Variants in BACH2 observed in about 807,000 individuals in gnomAD.
The protein encoded by BACH2 is BACH transcriptional regulator 2.
Under a neutral mutation model 61.8 loss-of-function variants are expected in BACH2, and 5 were observed. The ratio of observed to expected loss-of-function variants is 0.08; its 90% CI spans 0.04 to 0.17. BACH2 has a LOEUF of 0.17. BACH2 is among the 10% of genes least tolerant of loss of function. The probability of loss-of-function intolerance (pLI) is 1.00; values close to 1 mark genes in which losing one functional copy is unlikely to be tolerated. For missense variants in BACH2, 824 were observed against 1,091.1 expected (o/e 0.76, Z 3.45); for synonymous variants, 446 against 440.1 (o/e 1.01, Z -0.17).
intron 4 of BACH2, among the ~76,000 whole-genome samples, chr6:90,131,135 C>T (rs1034144246): frequency 6.6e-5 from 10 of 152,162 alleles, no homozygotes; most frequent in Non-Finnish European, 1.3e-4. Flanking sequence ...GGAGTAGAAG[C>T]ATGTACCAGT....
chr6:90,257,006 A>G (rs1449202537), intron 2 of BACH2, among the ~76,000 whole-genome samples: 2 of 152,208 alleles, frequency 1.3e-5, no homozygotes, highest in Non-Finnish European at 2.9e-5. Flanking sequence ...GCTTAGCACA[A>G]TGGGCTTTCC....
In BACH2 at chr6:90,191,489, C is replaced by T. The variant is rs181470527; in HGVS notation, c.-162+15080G>A. On this transcript the variant is annotated intron_variant, in intron 4 of 8. Coordinates refer to ENST00000257749, the MANE Select transcript of BACH2 (RefSeq NM_021813.4). ...TTTTGTATTTGTGTTTAGTTCATTG[C>T]AAATTTACTCAATATATTTCGAATT... Among the ~76,000 whole-genome samples the T allele has an allele frequency of 2.6e-4, 39 of 152,284 alleles. No homozygotes were observed. In the East Asian group the frequency reaches 6.2e-3, roughly 24 times the overall value.
intron 3 of BACH2, among the ~76,000 whole-genome samples, chr6:90,215,178 C>T (rs747951332): frequency 2.0e-5 from 3 of 152,070 alleles, no homozygotes; most frequent in Non-Finnish European, 4.4e-5. Context: ...GGCCTGAGGG[C>T]GTTCAATGCT....
intron 4 of BACH2, among the ~76,000 whole-genome samples, chr6:90,201,007 A>C (rs1768938961): frequency 6.6e-6 from 1 of 152,218 alleles, no homozygotes; most frequent in African/African-American, 2.4e-5. Flanking sequence ...TAGACTGCAC[A>C]TGCTGTTATA....
chr6:90,232,006 A>G (rs1770116262), intron 3 of BACH2, among the ~76,000 whole-genome samples: 1 of 152,096 alleles, frequency 6.6e-6, no homozygotes, highest in Admixed American at 6.5e-5. Flanking sequence ...AGAGAGAGAG[A>G]GAGAGAGAAG....
At chr6:90,181,111 T>G (rs750404967) in intron 4 of BACH2, among the ~76,000 whole-genome samples, 33 of 152,204 alleles carry the variant, frequency 2.2e-4, no homozygotes, top group Admixed American at 1.2e-3. Context: ...CCACAGAGGG[T>G]GTACCAATTT....
intron 1 of BACH2, among the ~76,000 whole-genome samples, chr6:90,276,663 T>C (rs945487350): frequency 2.6e-5 from 4 of 152,188 alleles, no homozygotes; most frequent in East Asian, 1.9e-4. Flanking sequence ...TTGAGAACCA[T>C]AGCTTGCATT....
chr6:90,160,302 A>G (rs941823129), intron 4 of BACH2, among the ~76,000 whole-genome samples: 24 of 152,228 alleles, frequency 1.6e-4, no homozygotes, highest in Non-Finnish European at 3.2e-4. Context: ...ACTCTAAGTA[A>G]GCAAGGCGGG....
chr6:90,178,504 G>A (rs546077311), intron 4 of BACH2, among the ~76,000 whole-genome samples: 6 of 152,204 alleles, frequency 3.9e-5, no homozygotes, highest in South Asian at 4.2e-4. Flanking sequence ...TGTACTCCTC[G>A]CTCCTATTTA....
chr6:90,062,948 G>A (rs1430086965), intron 5 of BACH2: 8 of 984,636 alleles, frequency 8.1e-6, no homozygotes, highest in Admixed American at 6.2e-5. Context: ...TTCCACTTGC[G>A]TTTTTCTTCT....
chr6:90,124,885 T>A (rs1275357840), intron 4 of BACH2, among the ~76,000 whole-genome samples: 1 of 152,224 alleles, frequency 6.6e-6, no homozygotes, highest in Non-Finnish European at 1.5e-5. Flanking sequence ...TGCACACGAA[T>A]GCTTGTTCCC....
Position 89,931,861 on chromosome 6 carries a change from C to T in BACH2, c.*547G>A, listed in dbSNP as rs926396360. The T allele has an allele frequency of 1.3e-5, 2 of 151,448 alleles. No individual in the cohort carries two copies. Among genetic ancestry groups the T allele is most frequent in the African/African-American group, 2.4e-5 (1 of 41,064 alleles). The allele number at this position is 151,448 out of a possible 1,614,324, so 9.4% of individuals were successfully genotyped here. Reference sequence around the variant, plus strand: ...AGACAAAAGAAGAGGAATGTTGGAACCTGTTTCTAAATGAGAAATAAGTTT... The same window carrying T: ...AGACAAAAGAAGAGGAATGTTGGAATCTGTTTCTAAATGAGAAATAAGTTT... On this transcript the variant is annotated 3_prime_UTR_variant, in exon 9 of 9. Coordinates refer to ENST00000257749, the MANE Select transcript of BACH2 (RefSeq NM_021813.4).
intron 3 of BACH2, among the ~76,000 whole-genome samples, chr6:90,243,755 T>C (rs1326146247): frequency 6.6e-6 from 1 of 152,188 alleles, no homozygotes; most frequent in Non-Finnish European, 1.5e-5. Context: ...ATTTAAATAG[T>C]TTTTTTCCTC....
intron 6 of BACH2, chr6:90,001,095 T>C (rs975033160): frequency 2.0e-5 from 3 of 152,246 alleles, no homozygotes; most frequent in Admixed American, 6.5e-5. Context: ...GATTAGGATG[T>C]GACTTATTGA....
intron 4 of BACH2, among the ~76,000 whole-genome samples, chr6:90,202,819 AC>A (rs1334344523): frequency 6.6e-6 from 1 of 152,306 alleles, no homozygotes; most frequent in East Asian, 1.9e-4. Context: ...GAAGAACAAC[AC>A]TTTTCTTGCT....
intron 5 of BACH2, among the ~76,000 whole-genome samples, chr6:90,051,128 T>C (rs530686919): frequency 6.6e-6 from 1 of 152,192 alleles, no homozygotes; most frequent in Admixed American, 6.5e-5. Context: ...CCTGAGCATA[T>C]TAAACAATAC....
At chr6:90,280,306 T>C (rs1309082437) in intron 1 of BACH2, among the ~76,000 whole-genome samples, 1 of 152,100 alleles carries the variant, frequency 6.6e-6, no homozygotes, top group Non-Finnish European at 1.5e-5. Context: ...TCCTGTATGT[T>C]AGAAAGAAGA....
At position 89,932,849 on chromosome 6, in the gene BACH2, C is replaced by T. The variant is rs1462668085; in HGVS notation, c.2085G>A (p.Leu695=). The change falls in exon 9 of 9, where the codon CTG becomes CTA. Residue 695 remains leucine, a synonymous_variant. Coordinates refer to ENST00000257749, the MANE Select transcript of BACH2 (RefSeq NM_021813.4). ...CCAACAGTTCCCCCATGCATGCTTT[C>T]AGTTGATTCCTCTCTGACAACAGTT... ...KEKLLSERNQ[L]KACMGELLDN... 6.2e-7 allele frequency: 1 copy of T among 1,606,662 alleles called. No homozygotes were observed. Among genetic ancestry groups the T allele is most frequent in the South Asian group, 1.1e-5 (1 of 90,734 alleles).
At chr6:89,940,161 C>A (rs1773337300) in intron 7 of BACH2, among the ~76,000 whole-genome samples, 1 of 152,044 alleles carries the variant, frequency 6.6e-6, no homozygotes, top group Admixed American at 6.6e-5. Flanking sequence ...AGGTGTGCAC[C>A]ACCATGCCCA....
Sources: gnomAD v4.1 joint callset for allele counts (sites outside exome capture counted in the v4.1 genomes callset) on GRCh38, gnomAD v4.1.1 for gene constraint, MANE v1.5 for transcripts, NCBI Gene and HGNC (gene_info 2026-07-23, HGNC 2026-07-21) for gene names.